SLC24A3: variants seen among roughly 807,000 people sequenced by gnomAD.
The protein encoded by SLC24A3 is solute carrier family 24 member 3, also known as sodium/potassium/calcium exchanger 3.
SLC24A3 carries 28 observed loss-of-function variants against 75.8 expected under a neutral mutation model. That is an observed-to-expected ratio of 0.37 (90% CI 0.27 to 0.51). The LOEUF is 0.51. SLC24A3 is among the 20% of genes least tolerant of loss of function. SLC24A3 has a pLI of 0.94. For synonymous variants in SLC24A3, 372 were observed against 334.1 expected (o/e 1.11, Z -1.24); for missense variants, 663 against 847.8 (o/e 0.78, Z 2.71).
At chr20:19,641,535 A>C (rs1448243681) in intron 6 of SLC24A3, among the ~76,000 whole-genome samples, 1 of 152,228 alleles carries the variant, frequency 6.6e-6, no homozygotes, top group Non-Finnish European at 1.5e-5. Flanking sequence ...ACTTCTCGAA[A>C]TCTCATCCAC....
intron 3 of SLC24A3, among the ~76,000 whole-genome samples, chr20:19,576,104 C>T (rs1463232231): frequency 6.6e-6 from 1 of 152,102 alleles, no homozygotes; most frequent in Non-Finnish European, 1.5e-5. Context: ...CTCCCTGCCT[C>T]ATATAATATT....
At position 19,611,441 on chromosome 20, in the gene SLC24A3, T is replaced by C. The variant is rs368181501; in HGVS notation, c.612+25897T>C. 3.3e-5 allele frequency among the ~76,000 whole-genome samples: 5 copies of C among 152,338 alleles called. No homozygotes were observed. In the East Asian group the frequency reaches 9.6e-4, roughly 29 times the overall value. ...TTCTTGATCCCCACTTAGGACTCTC[T>C]AAGCAGAGTAGCCCATACATGATTG... is the stretch of plus-strand genomic sequence containing the variant. On this transcript the variant is annotated intron_variant, in intron 6 of 16. Transcript: ENST00000328041.
intron 2 of SLC24A3, among the ~76,000 whole-genome samples, chr20:19,504,534 CA>C: frequency 6.6e-6 from 1 of 152,134 alleles, no homozygotes; most frequent in Non-Finnish European, 1.5e-5. Context: ...TTTCTGAGGG[CA>C]TTGAACAGGA....
At chr20:19,701,379 A>G (rs913027883) in intron 15 of SLC24A3, among the ~76,000 whole-genome samples, 1 of 152,052 alleles carries the variant, frequency 6.6e-6, no homozygotes, top group African/African-American at 2.4e-5. Context: ...TTAATTCAGC[A>G]TTTATTTTCA....
chr20:19,531,910 G>GC (rs1013029989), intron 3 of SLC24A3, among the ~76,000 whole-genome samples: 20 of 152,224 alleles, frequency 1.3e-4, no homozygotes, highest in African/African-American at 4.1e-4. Flanking sequence ...TAAATGAGTT[G>GC]CCCCCCCATG....
chr20:19,665,924 T>C, intron 8 of SLC24A3, 35 bp downstream of exon 8: 1 of 1,609,216 alleles, frequency 6.2e-7, no homozygotes, highest in Non-Finnish European at 8.5e-7. Flanking sequence ...CATTTCTGAA[T>C]GTTATGTTGC....
At chr20:19,356,040 T>C (rs1325337846) in intron 2 of SLC24A3, among the ~76,000 whole-genome samples, 1 of 152,154 alleles carries the variant, frequency 6.6e-6, no homozygotes, top group Non-Finnish European at 1.5e-5. Flanking sequence ...TTAAGAACCC[T>C]TGGAATTAGG....
At chr20:19,263,011 G>C (rs76976359) in intron 1 of SLC24A3, among the ~76,000 whole-genome samples, 1,762 of 148,186 alleles carry the variant, frequency 0.012, 30 homozygotes, top group African/African-American at 0.04. Flanking sequence ...AGAATCCCTC[G>C]CTCCATCACC....
intron 3 of SLC24A3, among the ~76,000 whole-genome samples, chr20:19,521,180 G>A (rs748253999): frequency 2.6e-5 from 4 of 152,100 alleles, no homozygotes; most frequent in Non-Finnish European, 5.9e-5. Flanking sequence ...CTCAGAAGAA[G>A]TGTGTCTCTG....
chr20:19,570,805 G>A (rs1031517673), intron 3 of SLC24A3, among the ~76,000 whole-genome samples: 2 of 152,160 alleles, frequency 1.3e-5, no homozygotes, highest in Non-Finnish European at 2.9e-5. Flanking sequence ...CATAGTGGAA[G>A]GAAGTGCTGA....
intron 2 of SLC24A3, among the ~76,000 whole-genome samples, chr20:19,408,910 T>C (rs757412366): frequency 3.3e-5 from 5 of 152,244 alleles, no homozygotes; most frequent in Non-Finnish European, 5.9e-5. Context: ...TTCATTCATT[T>C]GTTCATTCGG....
intron 1 of SLC24A3, among the ~76,000 whole-genome samples, chr20:19,271,725 G>A (rs908436364): frequency 6.6e-5 from 10 of 152,160 alleles, no homozygotes; most frequent in Non-Finnish European, 1.5e-4. Context: ...TCTCAGTGAA[G>A]TAACTCAGGA....
intron 7 of SLC24A3, among the ~76,000 whole-genome samples, chr20:19,658,388 T>G (rs2122714059): frequency 6.6e-6 from 1 of 152,276 alleles, no homozygotes; most frequent in South Asian, 2.1e-4. Context: ...GAAGCGCACG[T>G]GCATTCCGAA....
chr20:19,639,350 G>T (rs1157811004), intron 6 of SLC24A3, among the ~76,000 whole-genome samples: 1 of 150,480 alleles, frequency 6.6e-6, no homozygotes, highest in Non-Finnish European at 1.5e-5. Flanking sequence ...CAATCCCTGA[G>T]CTAGACATAA....
chr20:19,558,584 T>C (rs1226452120), intron 3 of SLC24A3, among the ~76,000 whole-genome samples: 2 of 152,222 alleles, frequency 1.3e-5, no homozygotes, highest in Non-Finnish European at 2.9e-5. Context: ...GGTCTTTTCT[T>C]ATTTTTAGGA....
chr20:19,592,264 A>G (rs950359375), intron 6 of SLC24A3, among the ~76,000 whole-genome samples: 13 of 152,142 alleles, frequency 8.5e-5, no homozygotes, highest in African/African-American at 2.9e-4. Context: ...TTGGTGAAAA[A>G]TCTGTTTAAA....
intron 2 of SLC24A3, among the ~76,000 whole-genome samples, chr20:19,448,754 CT>C (rs1483091139): frequency 2.0e-5 from 3 of 152,206 alleles, no homozygotes. Context: ...GTGGATGACA[CT>C]TGTGCCAGTC....
chr20:19,409,818 T>C, intron 2 of SLC24A3, among the ~76,000 whole-genome samples: 1 of 150,402 alleles, frequency 6.6e-6, no homozygotes, highest in Non-Finnish European at 1.5e-5. Context: ...TATGTATAGT[T>C]TGAATATATA....
intron 2 of SLC24A3, among the ~76,000 whole-genome samples, chr20:19,469,436 C>T (rs1987827602): frequency 6.6e-6 from 1 of 152,136 alleles, no homozygotes; most frequent in African/African-American, 2.4e-5. Context: ...ACAACATGTT[C>T]CCAAGCCGCC....
Sources: gnomAD v4.1 joint callset for allele counts (sites outside exome capture counted in the v4.1 genomes callset) on GRCh38, gnomAD v4.1.1 for gene constraint, MANE v1.5 for transcripts, NCBI Gene and HGNC (gene_info 2026-07-23, HGNC 2026-07-21) for gene names.